Variants in FAM171A1 observed in about 807,000 individuals in gnomAD.
FAM171A1 encodes the protein family with sequence similarity 171 member A1.
FAM171A1 carries 23 observed loss-of-function variants against 74.9 expected under a neutral mutation model. The observed-to-expected ratio is 0.31, with a 90% confidence interval of 0.22 to 0.44. FAM171A1 has a LOEUF of 0.44. Ranked by LOEUF, FAM171A1 falls within the 20% of genes least tolerant of loss-of-function variation. FAM171A1 has a pLI of 1.00. For synonymous variants in FAM171A1, 527 were observed against 505.7 expected, an observed-to-expected ratio of 1.04 and a Z score of -0.57; for missense variants, 1,162 against 1,159.2, an observed-to-expected ratio of 1.00 and a Z score of -0.03.
intron 5 of FAM171A1, among the ~76,000 whole-genome samples, chr10:15,222,409 C>T (rs1834050470): frequency 6.6e-6 from 1 of 152,196 alleles, no homozygotes; most frequent in Non-Finnish European, 1.5e-5. Flanking sequence ...GGCTACAAAC[C>T]CGTACATCGT....
chr10:15,327,647 T>C (rs772548877), intron 1 of FAM171A1, among the ~76,000 whole-genome samples: 5 of 151,306 alleles, frequency 3.3e-5, no homozygotes, highest in African/African-American at 2.4e-5. Context: ...CAAGACTCTG[T>C]CTCTAAATAA....
At chr10:15,287,922 C>T (rs1374965796) in intron 1 of FAM171A1, among the ~76,000 whole-genome samples, 1 of 152,152 alleles carries the variant, frequency 6.6e-6, no homozygotes, top group Non-Finnish European at 1.5e-5. Flanking sequence ...CCTCTCCCAC[C>T]CTTTTCCCTG....
At chr10:15,343,926 C>T (rs770569090) in intron 1 of FAM171A1, among the ~76,000 whole-genome samples, 24 of 152,308 alleles carry the variant, frequency 1.6e-4, no homozygotes, top group Admixed American at 3.3e-4. Flanking sequence ...CCTGCTCTGC[C>T]TAACAAATGG....
At chr10:15,276,373 G>A (rs569041130) in intron 2 of FAM171A1, among the ~76,000 whole-genome samples, 1 of 152,210 alleles carries the variant, frequency 6.6e-6, no homozygotes, top group South Asian at 2.1e-4. Context: ...TAGATACAGG[G>A]TTTTACTGTG....
chr10:15,302,405 C>T (rs1166678859), intron 1 of FAM171A1, among the ~76,000 whole-genome samples: 3 of 151,198 alleles, frequency 2.0e-5, no homozygotes, highest in Non-Finnish European at 4.4e-5. Flanking sequence ...GCGGAGGTCG[C>T]AGTGCGCCGA....
At chr10:15,311,118 C>T (rs1299667982) in intron 1 of FAM171A1, among the ~76,000 whole-genome samples, 1 of 152,222 alleles carries the variant, frequency 6.6e-6, no homozygotes, top group East Asian at 1.9e-4. Context: ...CACCCACAGG[C>T]TACTGCCCCC....
chr10:15,300,169 T>G lies in FAM171A1; in HGVS notation c.98-16064A>C, dbSNP rs144945669. 5.5e-4 allele frequency among the ~76,000 whole-genome samples: 84 copies of G among 152,346 alleles called. 1 individual carries two copies. The East Asian group carries it at 0.014, about 26-fold the overall frequency. ...GGCTTATCTTTTCCAAGAAAGATATTCAACAAGCTACAGTGAAGCTATTAT... is the reference window on the plus strand; with the variant it reads ...GGCTTATCTTTTCCAAGAAAGATATGCAACAAGCTACAGTGAAGCTATTAT... On this transcript the variant is annotated intron_variant, in intron 1 of 7. Transcript: ENST00000378116.
intron 6 of FAM171A1, among the ~76,000 whole-genome samples, chr10:15,219,150 C>G (rs908628529): frequency 2.6e-5 from 4 of 152,022 alleles, no homozygotes; most frequent in African/African-American, 9.7e-5. Flanking sequence ...GGTGTGGCGG[C>G]GGAGACCTGT....
chr10:15,373,886 CTG>C (rs1314124305), upstream of FAM171A1, among the ~76,000 whole-genome samples: 1 of 152,186 alleles, frequency 6.6e-6, no homozygotes, highest in African/African-American at 2.4e-5. Context: ...ACAATCTTAA[CTG>C]TATCAAGCTT....
At chr10:15,242,045 C>A (rs1834370429) in intron 5 of FAM171A1, among the ~76,000 whole-genome samples, 1 of 152,108 alleles carries the variant, frequency 6.6e-6, no homozygotes, top group Admixed American at 6.6e-5. Context: ...TTGGAATTGG[C>A]AGTTATTTTG....
chr10:15,229,561 CCATCACCATCACCAACGTCATCAT>C (rs1834159519), intron 5 of FAM171A1, among the ~76,000 whole-genome samples: 2 of 125,756 alleles, frequency 1.6e-5, no homozygotes, highest in Non-Finnish European at 3.6e-5. Flanking sequence ...ATTGTCACCC[CCATCACCATCACCAACGTCATCAT>C]CATCACCATC....
At chr10:15,249,330 A>G (rs907595459) in intron 4 of FAM171A1, among the ~76,000 whole-genome samples, 1 of 152,140 alleles carries the variant, frequency 6.6e-6, no homozygotes, top group African/African-American at 2.4e-5. Flanking sequence ...TCCTGACCTC[A>G]GGTGATCTGC....
intron 1 of FAM171A1, among the ~76,000 whole-genome samples, chr10:15,351,448 C>CT (rs1259135610): frequency 1.3e-5 from 2 of 152,194 alleles, no homozygotes; most frequent in Non-Finnish European, 2.9e-5. Context: ...TCCTGAATAC[C>CT]TCTCAGGATG....
At chr10:15,319,697 T>C (rs188651298) in intron 1 of FAM171A1, among the ~76,000 whole-genome samples, 2 of 152,262 alleles carry the variant, frequency 1.3e-5, no homozygotes, top group Admixed American at 1.3e-4. Flanking sequence ...CCTCCCAAAG[T>C]GCTGGGATTA....
intron 1 of FAM171A1, among the ~76,000 whole-genome samples, chr10:15,369,520 T>G (rs12250650): frequency 0.051 from 7,737 of 152,278 alleles, 401 homozygotes; most frequent in African/African-American, 0.13. Flanking sequence ...TTCCATGATA[T>G]GCATTACTAA....
chr10:15,291,473 G>A (rs545021433), intron 1 of FAM171A1, among the ~76,000 whole-genome samples: 52 of 152,302 alleles, frequency 3.4e-4, no homozygotes, highest in Non-Finnish European at 5.0e-4. Context: ...CGGTTCCTGC[G>A]TCGGAGAGTG....
At chr10:15,248,545 A>G in intron 5 of FAM171A1, 94 bp downstream of exon 5, 1 of 1,366,082 alleles carries the variant, frequency 7.3e-7, no homozygotes, top group Non-Finnish European at 9.9e-7. Flanking sequence ...CACTGACTTC[A>G]AGGAAAGGAG....
At chr10:15,361,079 G>A (rs939855975) in intron 1 of FAM171A1, among the ~76,000 whole-genome samples, 20 of 151,970 alleles carry the variant, frequency 1.3e-4, no homozygotes, top group African/African-American at 4.1e-4. Context: ...AATCAATGTC[G>A]TCACCTAATC....
At chr10:15,230,067 A>G (rs532019382) in intron 5 of FAM171A1, among the ~76,000 whole-genome samples, 12 of 152,252 alleles carry the variant, frequency 7.9e-5, no homozygotes, top group Non-Finnish European at 1.2e-4. Context: ...TACCAACTGT[A>G]TATATAGAAT....
Sources: gnomAD v4.1 joint callset for allele counts (sites outside exome capture counted in the v4.1 genomes callset) on GRCh38, gnomAD v4.1.1 for gene constraint, MANE v1.5 for transcripts, NCBI Gene and HGNC (gene_info 2026-07-23, HGNC 2026-07-21) for gene names.